Variants in PCDHAC2 observed in about 807,000 individuals in gnomAD.
The protein encoded by PCDHAC2 is protocadherin alpha subfamily C, 2.
PCDHAC2 carries 24 observed loss-of-function variants against 63.3 expected under a neutral mutation model. The ratio of observed to expected loss-of-function variants is 0.38; its 90% CI spans 0.27 to 0.53. The LOEUF is 0.53. Among genes scored for constraint, PCDHAC2 ranks in the 20% least tolerant of loss-of-function variants. The pLI is 0.81. For missense variants in PCDHAC2, 1,181 were observed against 1,275.2 expected (o/e 0.93, Z 1.12); for synonymous variants, 569 against 529.4 (o/e 1.07, Z -1.03).
chr5:141,000,418 T>C (rs2097923101), intron 3 of PCDHAC2, among the ~76,000 whole-genome samples: 1 of 83,682 alleles, frequency 1.2e-5, no homozygotes, highest in Admixed American at 1.7e-4. Flanking sequence ...TATATATATA[T>C]ATATTTTTTT....
intron 1 of PCDHAC2, among the ~76,000 whole-genome samples, chr5:140,975,119 A>C (rs2096654213): frequency 6.6e-6 from 1 of 152,038 alleles, no homozygotes; most frequent in African/African-American, 2.4e-5. Context: ...CTGTTTTCCT[A>C]CTTACTATTG....
chr5:140,987,075 G>C (rs564788093), intron 3 of PCDHAC2, among the ~76,000 whole-genome samples: 1 of 152,006 alleles, frequency 6.6e-6, no homozygotes, highest in Admixed American at 6.5e-5. Context: ...TGAGCTGGGC[G>C]TGGTGGCAGG....
chr5:140,976,054 G>A (rs1554237225), intron 1 of PCDHAC2, among the ~76,000 whole-genome samples: 1 of 152,134 alleles, frequency 6.6e-6, no homozygotes, highest in African/African-American at 2.4e-5. Context: ...AATTGTGATA[G>A]TAATATATGT....
chr5:140,997,814 T>C (rs2097786801), intron 3 of PCDHAC2, among the ~76,000 whole-genome samples: 1 of 152,212 alleles, frequency 6.6e-6, no homozygotes, highest in Admixed American at 6.5e-5. Context: ...GCTGTTGGTA[T>C]CTATGTTTTC....
chr5:140,991,227 A>G (rs1172819040), intron 3 of PCDHAC2, among the ~76,000 whole-genome samples: 2 of 152,224 alleles, frequency 1.3e-5, no homozygotes, highest in African/African-American at 4.8e-5. Flanking sequence ...TCATTAATAA[A>G]TGCAGTGGTA....
rs1554228690 is a variant in PCDHAC2 at position 140,966,805 on chromosome 5, T to C, written c.39T>C (p.His13=). 1 of 1,545,566 alleles carries C rather than the reference T, an allele frequency of 6.5e-7. No individual in the cohort carries two copies. The highest frequency in any genetic ancestry group is 1.2e-5 in the South Asian group (1 of 83,974). The change falls in exon 1 of 4, where the codon CAT becomes CAC. Residue 13 remains histidine, a synonymous_variant. Transcript: ENST00000289269. ...QAGTRPAATE[H]PRLRRPMPWL... ...GCACCAGACCTGCGGCGACAGAGCA[T>C]CCACGGCTCCGGCGGCCCATGCCCT... is the stretch of plus-strand genomic sequence containing the variant.
chr5:140,967,529 C>A lies in PCDHAC2; in HGVS notation c.763C>A (p.Pro255Thr). ...TGTCCTGGACACTAACGACAACTCT[C>A]CTGCCTTTGACCAGTCCACTTATCG... Reference protein sequence around the residue: ...VRVLDTNDNSPAFDQSTYRVQ... With the variant: ...VRVLDTNDNSTAFDQSTYRVQ... The change falls in exon 1 of 4, where the codon CCT becomes ACT. Residue 255 changes from proline to threonine, a missense_variant. By Grantham distance (38) the Pro-to-Thr change is conservative (BLOSUM62 -1). Transcript: ENST00000289269. 6.2e-7 allele frequency: 1 copy of A among 1,613,244 alleles called. No individual in the cohort carries two copies. Among genetic ancestry groups the A allele is most frequent in the South Asian group, 1.1e-5 (1 of 91,070 alleles).
intron 3 of PCDHAC2, among the ~76,000 whole-genome samples, chr5:140,999,698 T>C (rs903538308): frequency 2.0e-5 from 3 of 152,192 alleles, no homozygotes; most frequent in Non-Finnish European, 4.4e-5. Flanking sequence ...ATGTGATTTT[T>C]TTTTAGCTAA....
rs565763627 is a variant in PCDHAC2, at chr5:140,989,336, C to G, written c.2713+6773C>G. ...GTCTCACCAACTTTGCCACCTGACT[C>G]AGCTCAAAGGTGATAGGTCACCTGT... is the stretch of plus-strand genomic sequence containing the variant. On this transcript the variant is annotated intron_variant, in intron 3 of 3. Transcript: ENST00000289269. Among the ~76,000 whole-genome samples, 6 of 152,272 alleles carry G rather than the reference C, an allele frequency of 3.9e-5. 1 individual carries two copies. In the South Asian group the frequency reaches 1.0e-3, roughly 26 times the overall value.
intron 2 of PCDHAC2, among the ~76,000 whole-genome samples, chr5:140,979,275 C>T (rs141662665): frequency 6.6e-6 from 1 of 152,320 alleles, no homozygotes; most frequent in East Asian, 1.9e-4. Flanking sequence ...AAAATTTCTA[C>T]AGGGAAGTAA....
chr5:140,970,748 A>G (rs2096429835), intron 1 of PCDHAC2, among the ~76,000 whole-genome samples: 1 of 152,130 alleles, frequency 6.6e-6, no homozygotes, highest in African/African-American at 2.4e-5. Context: ...TTTGCAATAT[A>G]TTTTCATTGA....
chr5:140,997,133 C>A (rs1554255761), intron 3 of PCDHAC2, among the ~76,000 whole-genome samples: 3 of 152,090 alleles, frequency 2.0e-5, no homozygotes, highest in Non-Finnish European at 4.4e-5. Flanking sequence ...ACAATGCCCC[C>A]ACACCCCCGC....
At chr5:141,000,414 TATATA>T (rs1398508145) in intron 3 of PCDHAC2, among the ~76,000 whole-genome samples, 89 of 99,526 alleles carry the variant, frequency 8.9e-4, no homozygotes, top group African/African-American at 1.6e-3. Context: ...TATATATATA[TATATA>T]TATTTTTTTT....
chr5:140,992,352 G>C (rs1554252825), intron 3 of PCDHAC2, among the ~76,000 whole-genome samples: 1 of 152,162 alleles, frequency 6.6e-6, no homozygotes, highest in African/African-American at 2.4e-5. Context: ...TGTGGAGAGA[G>C]GAGAAAAATG....
intron 2 of PCDHAC2, 80 bp downstream of exon 2, chr5:140,979,087 A>C (rs1284249394): frequency 6.4e-7 from 1 of 1,561,170 alleles, no homozygotes; most frequent in Non-Finnish European, 8.7e-7. Flanking sequence ...CATAGGCCAG[A>C]AGCAGCTGTC....
At chr5:140,988,014 A>G (rs782358781) in intron 3 of PCDHAC2, among the ~76,000 whole-genome samples, 4 of 152,242 alleles carry the variant, frequency 2.6e-5, no homozygotes, top group African/African-American at 7.2e-5. Context: ...GAAAGAAAGC[A>G]TGATTCTTAA....
chr5:140,993,532 A>C (rs1159592677), intron 3 of PCDHAC2, among the ~76,000 whole-genome samples: 1 of 151,984 alleles, frequency 6.6e-6, no homozygotes, highest in African/African-American at 2.4e-5. Flanking sequence ...ACAGAGAGAG[A>C]GAGAGATAGA....
intron 3 of PCDHAC2, among the ~76,000 whole-genome samples, chr5:141,009,130 G>A (rs1395175038): frequency 2.0e-5 from 3 of 152,188 alleles, no homozygotes; most frequent in African/African-American, 7.2e-5. Flanking sequence ...TGGTATCCTG[G>A]TGAAAAAACC....
chr5:140,968,737 C>T lies in PCDHAC2; in HGVS notation c.1971C>T (p.Asn657=). ...KMGDESGSTF[N]LTVVVRDNGE... The stretch of plus-strand genomic sequence containing the variant: ...GAGATGAGAGTGGTAGCACTTTCAA[C>T]CTGACCGTGGTGGTCCGAGATAATG... Residue 657 remains asparagine, a synonymous_variant, in exon 1 of 4, where the codon AAC becomes AAT. Coordinates refer to ENST00000289269, the MANE Select transcript of PCDHAC2 (RefSeq NM_018899.6). The T allele has an allele frequency of 1.2e-6, 2 of 1,614,148 alleles. No individual in the cohort carries two copies. Among genetic ancestry groups the T allele is most frequent in the Non-Finnish European group, 1.7e-6 (2 of 1,180,040 alleles).
Sources: allele counts gnomAD v4.1 joint callset (sites outside exome capture counted in the v4.1 genomes callset), GRCh38; gene constraint gnomAD v4.1.1; transcripts MANE v1.5; gene names NCBI Gene and HGNC (gene_info 2026-07-23, HGNC 2026-07-21).